JAKMIP3: variants seen among roughly 807,000 people sequenced by gnomAD.
JAKMIP3 encodes Janus kinase and microtubule interacting protein 3, also known as janus kinase and microtubule-interacting protein 3.
In JAKMIP3, 58 loss-of-function variants were observed where a neutral mutation model predicts 118.5. That is an observed-to-expected ratio of 0.49 (90% confidence interval 0.40 to 0.61). JAKMIP3 has a LOEUF of 0.61. JAKMIP3 is among the 20% of genes least tolerant of loss of function. The pLI is 0.00. For missense variants in JAKMIP3, 950 were observed against 1,109.0 expected, an observed-to-expected ratio of 0.86 and a Z score of 2.04; for synonymous variants, 486 against 451.2, an observed-to-expected ratio of 1.08 and a Z score of -0.98.
intron 3 of JAKMIP3, among the ~76,000 whole-genome samples, chr10:132,129,018 G>A (rs367778620): frequency 8.5e-5 from 13 of 152,106 alleles, no homozygotes; most frequent in African/African-American, 1.9e-4. Flanking sequence ...GCTTCTTCAC[G>A]TGTCTAATGA....
intron 1 of JAKMIP3, among the ~76,000 whole-genome samples, chr10:132,098,033 T>G (rs2134645011): frequency 6.8e-6 from 1 of 146,752 alleles, no homozygotes; most frequent in Non-Finnish European, 1.5e-5. Context: ...TTTCTTCTTT[T>G]TCTTTTCTCT....
intron 23 of JAKMIP3, among the ~76,000 whole-genome samples, chr10:132,176,758 C>A (rs1334669062): frequency 6.6e-6 from 1 of 152,010 alleles, no homozygotes; most frequent in East Asian, 1.9e-4. Flanking sequence ...CGTGCTGGGG[C>A]TTTACCTCCC....
chr10:132,046,045 C>A (rs568499041), intron 1 of JAKMIP3, among the ~76,000 whole-genome samples: 1 of 152,228 alleles, frequency 6.6e-6, no homozygotes, highest in Middle Eastern at 3.4e-3. Context: ...ACCTGTGTAA[C>A]CCACACCCGG....
upstream of JAKMIP3, among the ~76,000 whole-genome samples, chr10:132,061,883 G>A (rs1564855643): frequency 6.6e-6 from 1 of 152,198 alleles, no homozygotes; most frequent in East Asian, 1.9e-4. Flanking sequence ...AGAATGGAAG[G>A]CAACATAAAA....
At chr10:132,051,804 G>A (rs913875) in intron 1 of JAKMIP3, among the ~76,000 whole-genome samples, 78,678 of 151,972 alleles carry the variant, frequency 0.52, 20,643 homozygotes, top group Admixed American at 0.64. Flanking sequence ...ATGGCGTTTC[G>A]CCACATTGCC....
chr10:132,164,519 A>T (rs1193320780), intron 20 of JAKMIP3, 151 bp from the exon 21 acceptor site: 4 of 626,480 alleles, frequency 6.4e-6, no homozygotes, highest in African/African-American at 1.8e-5. Flanking sequence ...CAGTGCAGCA[A>T]AGGCTTGTGT....
chr10:132,139,403 T>A (rs1459018253), intron 9 of JAKMIP3, among the ~76,000 whole-genome samples: 1 of 124,510 alleles, frequency 8.0e-6, no homozygotes, highest in African/African-American at 3.4e-5. Flanking sequence ...AGTATGTGAG[T>A]GTGTATGTGT....
chr10:132,040,169 G>GC (rs1271085398), intron 1 of JAKMIP3, among the ~76,000 whole-genome samples: 1 of 152,086 alleles, frequency 6.6e-6, no homozygotes, highest in Non-Finnish European at 1.5e-5. Flanking sequence ...TATAGGGTGG[G>GC]CCCCCAGGAT....
Position 132,183,870 on chromosome 10 carries a change from TTAAAAA to T in JAKMIP3, c.*2621_*2626del, listed in dbSNP as rs2061662760. 1 of 152,192 alleles carries T rather than the reference TTAAAAA, an allele frequency of 6.6e-6. No homozygotes were observed. Among genetic ancestry groups the T allele is most frequent in the Non-Finnish European group, 1.5e-5 (1 of 68,044 alleles). 9.4% of individuals were successfully genotyped at this position (152,192 alleles called of 1,614,324 possible). ...GTGAGCAGCAGCAGAATTCAAGTAT[TTAAAAA>T]TAAGGTGCATTTCTAAATTGCAGGC... On this transcript the variant is annotated 3_prime_UTR_variant, in exon 24 of 24. Transcript: ENST00000684848.
chr10:132,180,764 T>TGTGTGC lies in JAKMIP3; in HGVS notation c.*1104-1587_*1104-1582dup, dbSNP rs1565022295. On this transcript the variant is annotated intron_variant, in intron 23 of 23. Coordinates refer to ENST00000684848, the MANE Select transcript of JAKMIP3 (RefSeq NM_001323087.2). ...GTGCGTGCGCGCGCGTGTGTGCGTG[T>TGTGTGC]GTGTGCGTGTGTGTGTGTGCGCGTA... Among the ~76,000 whole-genome samples the TGTGTGC allele has an allele frequency of 9.3e-5, 3 of 32,140 alleles. 1 individual carries two copies. Among genetic ancestry groups the TGTGTGC allele is most frequent in the Non-Finnish European group, 2.0e-4 (3 of 15,300 alleles). The allele number at this position is 32,140 out of a possible 152,430, so 21.1% of individuals were successfully genotyped here. A position where few individuals can be genotyped will look rare whatever the true frequency, so the allele number is the denominator to read the frequency against.
At chr10:132,064,428 G>C (rs976375234), upstream of JAKMIP3, among the ~76,000 whole-genome samples, 3 of 152,122 alleles carry the variant, frequency 2.0e-5, no homozygotes, top group Non-Finnish European at 4.4e-5. This position sits in a 1 kb window ranked among gnomAD's most constrained non-coding sequence, Gnocchi z 4.4. Flanking sequence ...CTCGGGGTCG[G>C]GCGTGGACCC....
chr10:132,084,652 A>G (rs1452007229), intron 1 of JAKMIP3, among the ~76,000 whole-genome samples: 2 of 152,168 alleles, frequency 1.3e-5, no homozygotes, highest in East Asian at 1.9e-4. Flanking sequence ...GTCTTGTTCC[A>G]GTTCTCAGAG....
chr10:132,119,218 C>T (rs556126288), intron 3 of JAKMIP3, among the ~76,000 whole-genome samples: 2 of 152,164 alleles, frequency 1.3e-5, no homozygotes, highest in Non-Finnish European at 2.9e-5. Flanking sequence ...TACGGGCAAG[C>T]TGGTCCTAAA....
intron 1 of JAKMIP3, among the ~76,000 whole-genome samples, chr10:132,098,593 G>A (rs2044343543): frequency 6.6e-6 from 1 of 152,186 alleles, no homozygotes; most frequent in Non-Finnish European, 1.5e-5. Flanking sequence ...GCAGATCAGA[G>A]TGCGGACGTC....
intron 12 of JAKMIP3, 77 bp from the exon 13 acceptor site, chr10:132,145,441 C>A: frequency 7.4e-7 from 1 of 1,348,996 alleles, no homozygotes; most frequent in Non-Finnish European, 1.0e-6. Context: ...CTTTGGTGTT[C>A]TGCCACATCA....
intron 3 of JAKMIP3, among the ~76,000 whole-genome samples, chr10:132,129,875 CTTTTTT>C (rs5789115): frequency 7.2e-6 from 1 of 138,814 alleles, no homozygotes; most frequent in Non-Finnish European, 1.5e-5. Context: ...GCATCAGTAC[CTTTTTT>C]TTTTTTTTTT....
intron 14 of JAKMIP3, 86 bp from the exon 15 acceptor site, chr10:132,149,326 G>A: frequency 3.5e-6 from 3 of 857,960 alleles, no homozygotes; most frequent in Non-Finnish European, 5.5e-6. Context: ...CATGGTCTTG[G>A]CCCGTGTTCC....
In JAKMIP3 at chr10:132,118,501, G is replaced by T. The variant is rs548379728; in HGVS notation, c.633+927G>T. ...CACGGGGCGTGGCTGTGCACCTGGG[G>T]CAGCCTCCCTCTGCCTGCTTCCCGG... On this transcript the variant is annotated intron_variant, in intron 3 of 23. Coordinates refer to ENST00000684848, the MANE Select transcript of JAKMIP3 (RefSeq NM_001323087.2). This position sits in a 1 kb window ranked among gnomAD's most constrained non-coding sequence, Gnocchi z 4.8. 6.6e-6 allele frequency among the ~76,000 whole-genome samples: 1 copy of T among 152,328 alleles called. No homozygotes were observed. The highest frequency in any genetic ancestry group is 1.9e-4 in the East Asian group (1 of 5,182).
chr10:132,068,363 T>C (rs1224820000), intron 1 of JAKMIP3, among the ~76,000 whole-genome samples: 1 of 152,224 alleles, frequency 6.6e-6, no homozygotes, highest in Non-Finnish European at 1.5e-5. Flanking sequence ...ATTTTCCATT[T>C]GGACCCTGAA....
Sources: gnomAD v4.1 joint callset for allele counts (sites outside exome capture counted in the v4.1 genomes callset) on GRCh38, gnomAD v4.1.1 for gene constraint, Gnocchi (gnomAD v3.1) non-coding constraint, MANE v1.5 for transcripts, NCBI Gene and HGNC (gene_info 2026-07-23, HGNC 2026-07-21) for gene names.